The following ZNF141 variants were observed in gnomAD, a reference collection of about 807,000 sequenced individuals.
ZNF141 encodes the protein zinc finger protein 141.
Under a neutral mutation model 11.3 loss-of-function variants are expected in ZNF141, and 7 were observed. The ratio of observed to expected loss-of-function variants is 0.62; its 90% CI spans 0.35 to 1.16. The LOEUF is 1.16. ZNF141 is among the 50% of genes most tolerant of loss of function. The pLI, the probability that ZNF141 is intolerant of heterozygous loss-of-function variation, is 0.02. For synonymous variants in ZNF141, 183 were observed against 190.7 expected (o/e 0.96, Z 0.33); for missense variants, 535 against 554.0 (o/e 0.97, Z 0.34).
At chr4:356,890 G>GT (rs368457199) in intron 3 of ZNF141, among the ~76,000 whole-genome samples, 4,787 of 147,450 alleles carry the variant, frequency 0.032, 169 homozygotes, top group African/African-American at 0.083. Flanking sequence ...GCATCTACTA[G>GT]TTTTTTTTTT....
In ZNF141 at chr4:375,368, A is replaced by G. The variant is rs1712312206; in HGVS notation, c.*1506A>G. The G allele has an allele frequency of 6.6e-6, 1 of 152,110 alleles. No homozygotes were observed. The highest frequency in any genetic ancestry group is 1.5e-5 in the Non-Finnish European group (1 of 67,958). 9.4% of individuals were successfully genotyped at this position (152,110 alleles called of 1,614,324 possible). On this transcript the variant is annotated 3_prime_UTR_variant, in exon 4 of 4. Coordinates refer to ENST00000240499, the MANE Select transcript of ZNF141 (RefSeq NM_003441.4). Reference sequence around the variant, plus strand: ...CTTTCTTCAACATCAGAAAATTTATATTGGAGAGAAATCCTACAAATGTAA... The same window carrying G: ...CTTTCTTCAACATCAGAAAATTTATGTTGGAGAGAAATCCTACAAATGTAA...
intron 3 of ZNF141, 117 bp from the exon 4 acceptor site, chr4:372,547 C>A: frequency 2.3e-6 from 2 of 886,466 alleles, no homozygotes; most frequent in Non-Finnish European, 3.2e-6. Context: ...AAGTTATGGC[C>A]TGTGGGATTT....
At chr4:340,785 C>T (rs933121674) in intron 1 of ZNF141, among the ~76,000 whole-genome samples, 3 of 152,196 alleles carry the variant, frequency 2.0e-5, no homozygotes, top group African/African-American at 7.2e-5. Context: ...CTAATAATGC[C>T]ATACTGGACA....
chr4:360,755 A>G (rs1722068659), intron 3 of ZNF141, among the ~76,000 whole-genome samples: 1 of 152,196 alleles, frequency 6.6e-6, no homozygotes, highest in South Asian at 2.1e-4. Flanking sequence ...TCTGTTGCCT[A>G]TAAAAGTTAT....
chr4:367,615 C>T (rs1303977137), intron 3 of ZNF141, among the ~76,000 whole-genome samples: 2 of 151,016 alleles, frequency 1.3e-5, no homozygotes, highest in Admixed American at 1.3e-4. Flanking sequence ...CTCCCAGGTT[C>T]AAGCGATTCT....
chr4:343,785 C>G lies in ZNF141; in HGVS notation c.7C>G (p.Leu3Val). Residue 3 changes from leucine (L) to valine (V), a missense_variant, in exon 2 of 4, where the codon CTC becomes GTC. Leu to Val is a conservative substitution (Grantham distance 32, BLOSUM62 1). Transcript: ENST00000240499. ME[L>V]LTFRDVAIEF... ...CTTGATATATTTGTATTTTCAGGAA[C>G]TCTTAACATTCAGGGATGTGGCCAT... The G allele has an allele frequency of 7.3e-7, 1 of 1,366,684 alleles. No individual in the cohort carries two copies. The highest frequency in any genetic ancestry group is 1.0e-6 in the Non-Finnish European group (1 of 996,964). The allele number at this position is 1,366,684 out of a possible 1,614,324, so 84.7% of individuals were successfully genotyped here. A position where few individuals can be genotyped will look rare whatever the true frequency, so the allele number is the denominator to read the frequency against.
chr4:372,947 G>T lies in ZNF141; in HGVS notation c.510G>T (p.Glu170Asp). 2 of 1,614,076 alleles carry T rather than the reference G, an allele frequency of 1.2e-6. No homozygotes were observed. The highest frequency in any genetic ancestry group is 2.2e-5 in the East Asian group (1 of 44,862). Residue 170 changes from glutamate to aspartate, a missense_variant, in exon 4 of 4, where the codon GAG becomes GAT. Glu to Asp is a conservative substitution (Grantham distance 45). Coordinates refer to ENST00000240499, the MANE Select transcript of ZNF141 (RefSeq NM_003441.4). ...SNKRKTRHTG[E>D]KHFKECGKSF... ...AACGTAAGACAAGACATACTGGAGA[G>T]AAACACTTTAAAGAATGTGGCAAAT... is the stretch of plus-strand genomic sequence containing the variant.
At chr4:363,150 G>A (rs1711569292) in intron 3 of ZNF141, among the ~76,000 whole-genome samples, 2 of 152,140 alleles carry the variant, frequency 1.3e-5, no homozygotes, top group Admixed American at 1.3e-4. Context: ...ATTGTGAATA[G>A]GAGTTCACTC....
intron 3 of ZNF141, chr4:358,164 CT>C: frequency 3.0e-6 from 1 of 337,308 alleles, no homozygotes; most frequent in Admixed American, 3.8e-5. Flanking sequence ...GTATTTGGTT[CT>C]TTTTTAAGTT....
At chr4:354,266 G>T (rs1377489967) in intron 3 of ZNF141, among the ~76,000 whole-genome samples, 1 of 145,070 alleles carries the variant, frequency 6.9e-6, no homozygotes, top group South Asian at 2.2e-4. Flanking sequence ...TTCTTATTCT[G>T]CATTTTCCCC....
chr4:370,480 G>A (rs1553853418), intron 3 of ZNF141, among the ~76,000 whole-genome samples: 1 of 151,812 alleles, frequency 6.6e-6, no homozygotes, highest in Non-Finnish European at 1.5e-5. Context: ...TTTTAGGACT[G>A]TTTTACTGGT....
At position 346,878 on chromosome 4, in the gene ZNF141, T is replaced by TACACACACACACAC. The variant is rs377666294; in HGVS notation, c.226+2451_226+2464dup. Among the ~76,000 whole-genome samples, 9 of 120,244 alleles carry TACACACACACACAC rather than the reference T, an allele frequency of 7.5e-5. No individual in the cohort carries two copies. In the South Asian group the frequency reaches 8.4e-4, roughly 11 times the overall value. The allele number at this position is 120,244 out of a possible 152,430, so 78.9% of individuals were successfully genotyped here. On this transcript the variant is annotated intron_variant, in intron 3 of 3. Transcript: ENST00000240499. ...ATATACATGTATGTATATATATGTA[T>TACACACACACACAC]ACACACACACACACACCGCCCCCCC... is the stretch of plus-strand genomic sequence containing the variant.
chr4:369,750 ATATATATATATATATTT>A (rs1711940795), intron 3 of ZNF141, among the ~76,000 whole-genome samples: 1 of 35,194 alleles, frequency 2.8e-5, no homozygotes, highest in Non-Finnish European at 5.3e-5. Context: ...ATATATATAT[ATATATATATATATATTT>A]TTTTTTTTTT....
intron 3 of ZNF141, among the ~76,000 whole-genome samples, chr4:369,764 A>ATGTTTTTTTTTTTTTTT: frequency 6.2e-5 from 3 of 48,724 alleles, no homozygotes; most frequent in Admixed American, 2.9e-4. Flanking sequence ...ATATATATAT[A>ATGTTTTTTTTTTTTTTT]TTTTTTTTTT....
In ZNF141 at chr4:382,983, A is replaced by G; in HGVS notation, c.*9121A>G. The G allele has an allele frequency of 1.9e-6, 1 of 521,808 alleles. No homozygotes were observed. The highest frequency in any genetic ancestry group is 3.0e-5 in the South Asian group (1 of 33,812). The allele number at this position is 521,808 out of a possible 1,614,324, so 32.3% of individuals were successfully genotyped here. ...CTTTTATAGTCGTTCCTATCAAGAGACAGATTCTGTTTCCCAAACCTTGAA... is the reference window on the plus strand; with the variant it reads ...CTTTTATAGTCGTTCCTATCAAGAGGCAGATTCTGTTTCCCAAACCTTGAA... On this transcript the variant is annotated 3_prime_UTR_variant, in exon 4 of 4. Transcript: ENST00000240499.
intron 3 of ZNF141, among the ~76,000 whole-genome samples, chr4:370,376 A>G (rs1432926826): frequency 6.6e-6 from 1 of 152,096 alleles, no homozygotes; most frequent in East Asian, 1.9e-4. Context: ...TTTTCAATGG[A>G]AGATAGTTCA....
intron 3 of ZNF141, among the ~76,000 whole-genome samples, chr4:366,737 C>T (rs1220727581): frequency 1.3e-5 from 2 of 152,260 alleles, no homozygotes; most frequent in African/African-American, 2.4e-5. Context: ...CGCACTGGTG[C>T]GATCTTGGCT....
chr4:348,813 G>A (rs1721460469), intron 3 of ZNF141, among the ~76,000 whole-genome samples: 1 of 151,760 alleles, frequency 6.6e-6, no homozygotes, highest in Non-Finnish European at 1.5e-5. Flanking sequence ...GTCGTTTAAG[G>A]TTACACCTAA....
intron 3 of ZNF141, chr4:350,096 G>C: frequency 1.9e-6 from 1 of 522,892 alleles, no homozygotes; most frequent in Non-Finnish European, 4.0e-6. Context: ...TGATGGGAAG[G>C]ACCACGTCTG....
Sources: gnomAD v4.1 joint callset for allele counts (sites outside exome capture counted in the v4.1 genomes callset) on GRCh38, gnomAD v4.1.1 for gene constraint, MANE v1.5 for transcripts, NCBI Gene and HGNC (gene_info 2026-07-23, HGNC 2026-07-21) for gene names.